Variants in CKAP5 observed in about 807,000 individuals in gnomAD.
The protein encoded by CKAP5 is cytoskeleton-associated protein 5.
In CKAP5, 27 loss-of-function variants were observed where a neutral mutation model predicts 232.8. That is an observed-to-expected ratio of 0.12 (90% CI 0.09 to 0.16). The LOEUF (loss-of-function observed/expected upper bound fraction) is 0.16, where lower values mean the gene tolerates loss of function less well. Among genes scored for constraint, CKAP5 ranks in the 10% least tolerant of loss-of-function variants. The pLI is 1.00. For synonymous variants in CKAP5, 785 were observed against 841.1 expected, an observed-to-expected ratio of 0.93 and a Z score of 1.16; for missense variants, 1,838 against 2,424.7, an observed-to-expected ratio of 0.76 and a Z score of 5.08.
chr11:46,840,946 G>A (rs1338487179), intron 1 of CKAP5, among the ~76,000 whole-genome samples: 1 of 152,178 alleles, frequency 6.6e-6, no homozygotes, highest in South Asian at 2.1e-4. Flanking sequence ...CCCTCAACCT[G>A]TGGGATCTGA....
chr11:46,779,041 T>C (rs566916649), intron 20 of CKAP5, among the ~76,000 whole-genome samples: 6 of 152,242 alleles, frequency 3.9e-5, no homozygotes, highest in East Asian at 1.9e-4. Context: ...GGAAGCGCCA[T>C]TGTACTCCAG....
chr11:46,821,309 G>T, intron 1 of CKAP5, 41 bp from the exon 2 acceptor site: 1 of 920,964 alleles, frequency 1.1e-6, no homozygotes. Context: ...CAACCAGGCA[G>T]TCTCTTAAGA....
chr11:46,783,804 C>G (rs2065362822), intron 17 of CKAP5, among the ~76,000 whole-genome samples: 1 of 151,964 alleles, frequency 6.6e-6, no homozygotes, highest in Admixed American at 6.6e-5. Context: ...CTCCCAGGTT[C>G]AAGTGATTCT....
chr11:46,833,843 T>C (rs1029542969), intron 1 of CKAP5, among the ~76,000 whole-genome samples: 1 of 151,956 alleles, frequency 6.6e-6, no homozygotes, highest in Non-Finnish European at 1.5e-5. Context: ...CAGCTATCAT[T>C]ACTATATTAT....
At chr11:46,765,995 G>C (rs1012469293) in intron 27 of CKAP5, among the ~76,000 whole-genome samples, 1 of 152,126 alleles carries the variant, frequency 6.6e-6, no homozygotes, top group Non-Finnish European at 1.5e-5. Context: ...CTTGCTTCTA[G>C]AGAAAGTTAC....
chr11:46,821,964 GGGA>G (rs1684056600), intron 1 of CKAP5, among the ~76,000 whole-genome samples: 1 of 152,074 alleles, frequency 6.6e-6, no homozygotes, highest in South Asian at 2.1e-4. Context: ...GCTTGAACCT[GGGA>G]GGAGGAGGTT....
At chr11:46,830,893 T>A (rs931312249) in intron 1 of CKAP5, among the ~76,000 whole-genome samples, 3 of 152,052 alleles carry the variant, frequency 2.0e-5, no homozygotes, top group Non-Finnish European at 4.4e-5. Flanking sequence ...TGAAACCATG[T>A]ATCTACTAAA....
At position 46,803,740 on chromosome 11, in the gene CKAP5, G is replaced by A. The variant is rs1939090157; in HGVS notation, c.979-2436C>T. Among the ~76,000 whole-genome samples the A allele has an allele frequency of 2.6e-5, 4 of 152,224 alleles. No individual in the cohort carries two copies. In the South Asian group the frequency reaches 6.2e-4, roughly 24 times the overall value. ...GTTAAGTTCACTTTTCCTTACGAGA[G>A]GATGAGATCAGGGTCCTAATAAACA... is the stretch of plus-strand genomic sequence containing the variant. On this transcript the variant is annotated intron_variant, in intron 8 of 43. Transcript: ENST00000529230.
At chr11:46,841,360 A>G (rs1207969108) in intron 1 of CKAP5, among the ~76,000 whole-genome samples, 1 of 151,992 alleles carries the variant, frequency 6.6e-6, no homozygotes, top group Non-Finnish European at 1.5e-5. Context: ...GTGTGTGGGG[A>G]AAAAAATCTC....
At chr11:46,767,782 G>A (rs1434878752) in intron 26 of CKAP5, 119 bp from the exon 27 acceptor site, 1 of 593,768 alleles carries the variant, frequency 1.7e-6, no homozygotes, top group African/African-American at 1.9e-5. Context: ...CAATTTATAA[G>A]ATGTTTTCAG....
chr11:46,812,481 A>G (rs768971076), intron 4 of CKAP5, among the ~76,000 whole-genome samples: 3 of 152,218 alleles, frequency 2.0e-5, no homozygotes, highest in African/African-American at 2.4e-5. Flanking sequence ...GGAGAGATTT[A>G]TTTATGAAAG....
chr11:46,825,262 C>T (rs1939626213), intron 1 of CKAP5, among the ~76,000 whole-genome samples: 1 of 151,958 alleles, frequency 6.6e-6, no homozygotes, highest in Non-Finnish European at 1.5e-5. Flanking sequence ...GCACTATATC[C>T]CATCATAAAA....
intron 1 of CKAP5, among the ~76,000 whole-genome samples, chr11:46,826,164 G>C (rs4752940): frequency 0.14 from 21,190 of 152,116 alleles, 2,472 homozygotes; most frequent in East Asian, 0.6. Flanking sequence ...GATGGAGAGG[G>C]GTAAAGAGCT....
intron 37 of CKAP5, among the ~76,000 whole-genome samples, chr11:46,752,911 T>TA (rs2065080819): frequency 6.6e-6 from 1 of 152,250 alleles, no homozygotes; most frequent in African/African-American, 2.4e-5. Context: ...TTGGTAAGTG[T>TA]AAGGTTTGTG....
intron 8 of CKAP5, 38 bp downstream of exon 8, chr11:46,807,993 G>T: frequency 7.1e-7 from 1 of 1,412,354 alleles, no homozygotes; most frequent in Non-Finnish European, 1.0e-6. Context: ...AGGCCTGATG[G>T]CTGTTACAAT....
In CKAP5 at chr11:46,753,378, C is replaced by T; in HGVS notation, c.4989G>A (p.Gln1663=). 1 of 1,614,022 alleles carries T rather than the reference C, an allele frequency of 6.2e-7. No homozygotes were observed. The highest frequency in any genetic ancestry group is 8.5e-7 in the Non-Finnish European group (1 of 1,179,976). ...SRIEDLEEGQ[Q]VIRSVNLLVV... Reference sequence around the variant, plus strand: ...CCAAGAGGTTCACAGAGCGGATGACCTGTTGTCCTTCCTCAAGATCTTCAA... The same window carrying T: ...CCAAGAGGTTCACAGAGCGGATGACTTGTTGTCCTTCCTCAAGATCTTCAA... Residue 1663 remains glutamine, a synonymous_variant, in exon 37 of 44, where the codon CAG becomes CAA. Coordinates refer to ENST00000529230, the MANE Select transcript of CKAP5 (RefSeq NM_001008938.4).
rs868808636 is a variant in CKAP5 at position 46,842,668 on chromosome 11, T to A, written c.-38+3552A>T. On this transcript the variant is annotated intron_variant, in intron 1 of 43. Transcript: ENST00000529230. ...CCGGAAGGTGGAAATTTTTAAATGG[T>A]TATTAAGAAGTAAGGTAGGCCGGGC... is the stretch of plus-strand genomic sequence containing the variant. 3.3e-5 allele frequency among the ~76,000 whole-genome samples: 5 copies of A among 152,178 alleles called. 1 individual carries two copies. In the South Asian group the frequency reaches 1.0e-3, roughly 32 times the overall value.
rs142364564 is a variant in CKAP5 at position 46,752,161 on chromosome 11, C to CATAT, written c.5133+470_5133+473dup. Among the ~76,000 whole-genome samples the CATAT allele has an allele frequency of 9.4e-3, 830 of 88,756 alleles. 9 individuals are homozygous for CATAT. Among genetic ancestry groups the CATAT allele is most frequent in the East Asian group, 0.02 (45 of 2,288 alleles). 58.2% of individuals were successfully genotyped at this position (88,756 alleles called of 152,430 possible). A position where few individuals can be genotyped will look rare whatever the true frequency, so the allele number is the denominator to read the frequency against. ...GGAAGGGAAAAACTGAAGACCAATT[C>CATAT]ATATATATATATATATATATATATA... On this transcript the variant is annotated intron_variant, in intron 38 of 43. Transcript: ENST00000529230.
chr11:46,823,662 A>T (rs139937086), intron 1 of CKAP5, among the ~76,000 whole-genome samples: 1,823 of 152,202 alleles, frequency 0.012, 20 homozygotes, highest in Middle Eastern at 0.017. Flanking sequence ...ATCACAGCTC[A>T]TTGCAACCTT....
Sources: gnomAD v4.1 joint callset for allele counts (sites outside exome capture counted in the v4.1 genomes callset) on GRCh38, gnomAD v4.1.1 for gene constraint, MANE v1.5 for transcripts, NCBI Gene and HGNC (gene_info 2026-07-23, HGNC 2026-07-21) for gene names.